Variants in ILF2 observed in about 807,000 individuals in gnomAD.
ILF2 encodes interleukin enhancer binding factor 2.
ILF2 carries 9 observed loss-of-function variants against 55.3 expected under a neutral mutation model. That is an observed-to-expected ratio of 0.16 (90% CI 0.10 to 0.28). The LOEUF is 0.28. Ranked by LOEUF, ILF2 falls within the 10% of genes least tolerant of loss-of-function variation. ILF2 has a pLI of 1.00. For synonymous variants in ILF2, 151 were observed against 161.8 expected, an observed-to-expected ratio of 0.93 and a Z score of 0.50; for missense variants, 266 against 474.9, an observed-to-expected ratio of 0.56 and a Z score of 4.09.
intron 8 of ILF2, 98 bp downstream of exon 8, chr1:153,665,122 G>T: frequency 1.3e-6 from 1 of 749,024 alleles, no homozygotes; most frequent in Non-Finnish European, 2.4e-6. Flanking sequence ...CCAGGAAGCT[G>T]CATGTGGAAT....
rs879468986 is a variant in ILF2, at chr1:153,667,178, G to A, written c.394+377C>T. 11 of 306,012 alleles carry A rather than the reference G, an allele frequency of 3.6e-5. 1 individual carries two copies. Among genetic ancestry groups the A allele is most frequent in the African/African-American group, 1.7e-4 (8 of 46,412 alleles). 19.0% of individuals were successfully genotyped at this position (306,012 alleles called of 1,614,324 possible). On this transcript the variant is annotated intron_variant, in intron 6 of 13. Coordinates refer to ENST00000361891, the MANE Select transcript of ILF2 (RefSeq NM_004515.4). ...ACATCCTTTCTCACAAGAAATTTGA[G>A]CTTTCAAGATCCGTAAGGGCTGGGC...
At chr1:153,665,179 T>C (rs766606462) in intron 8 of ILF2, 41 bp downstream of exon 8, 48 of 1,116,142 alleles carry the variant, frequency 4.3e-5, no homozygotes, top group Middle Eastern at 1.9e-4. Context: ...ATGTTTTGAA[T>C]ATCCCCTAAA....
At chr1:153,667,049 G>A (rs1285757951) in intron 6 of ILF2, among the ~76,000 whole-genome samples, 1 of 152,232 alleles carries the variant, frequency 6.6e-6, no homozygotes, top group African/African-American at 2.4e-5. Context: ...TAGAACCCAG[G>A]AGGTGGAGGT....
intron 12 of ILF2, 45 bp downstream of exon 12, chr1:153,662,974 C>CA (rs745571013): frequency 6.5e-7 from 1 of 1,527,048 alleles, no homozygotes; most frequent in South Asian, 1.1e-5. Flanking sequence ...CAGCAGTATT[C>CA]AAAAGAGTGG....
At chr1:153,665,771 C>T (rs368917778) in intron 6 of ILF2, 43 bp from the exon 7 acceptor site, 3 of 1,471,852 alleles carry the variant, frequency 2.0e-6, no homozygotes, top group Non-Finnish European at 1.9e-6. Flanking sequence ...AATTTATTTG[C>T]CTAGACTTTC....
rs748358151 is a variant in ILF2, at chr1:153,667,583, C to T, written c.366G>A (p.Leu122=). 1.2e-6 allele frequency: 2 copies of T among 1,613,408 alleles called. No homozygotes were observed. Among genetic ancestry groups the T allele is most frequent in the Non-Finnish European group, 8.5e-7 (1 of 1,179,308 alleles). The change falls in exon 6 of 14, where the codon CTG becomes CTA. Residue 122 remains leucine, a synonymous_variant. Coordinates refer to ENST00000361891, the MANE Select transcript of ILF2 (RefSeq NM_004515.4). ...TTGGCAGAATCTTGAGTATCACCAC[C>T]AGGTCAGCCACATTGTGTCCTGTAG... ...TMTTGHNVAD[L]VVILKILPTL...
At chr1:153,663,386 T>A in intron 10 of ILF2, 110 bp from the exon 11 acceptor site, 1 of 1,004,400 alleles carries the variant, frequency 1.0e-6, no homozygotes. Flanking sequence ...TGGAGTGCAG[T>A]GGCGCAATCA....
Position 153,664,049 on chromosome 1 carries a change from G to A in ILF2, c.738C>T (p.Asp246=), listed in dbSNP as rs1441034096. 1 of 1,608,228 alleles carries A rather than the reference G, an allele frequency of 6.2e-7. No homozygotes were observed. Among genetic ancestry groups the A allele is most frequent in the Admixed American group, 1.7e-5 (1 of 59,758 alleles). ...GFEPLTPWIL[D]LLGHYAVMNN... ...ATTGCCCATCTTTACTTACTAGTAG[G>A]TCAAGGATCCAGGGTGTGAGGGGCT... is the stretch of plus-strand genomic sequence containing the variant. Residue 246 remains aspartate, a synonymous_variant, in exon 10 of 14, where the codon GAC becomes GAT. Transcript: ENST00000361891.
chr1:153,670,028 C>T (rs564973386), intron 2 of ILF2, 143 bp downstream of exon 2: 7 of 1,083,310 alleles, frequency 6.5e-6, no homozygotes, highest in South Asian at 5.2e-5. Context: ...ATAGTGGGGC[C>T]AAATTCATTT....
intron 6 of ILF2, among the ~76,000 whole-genome samples, chr1:153,666,913 G>T (rs1226968628): frequency 6.6e-6 from 1 of 152,102 alleles, no homozygotes; most frequent in Non-Finnish European, 1.5e-5. Context: ...CCTGAGGTCA[G>T]GAGTTTGAGA....
chr1:153,670,948 G>T lies in ILF2; in HGVS notation c.-26C>A, dbSNP rs763439359. 1.2e-6 allele frequency: 2 copies of T among 1,614,118 alleles called. No homozygotes were observed. Among genetic ancestry groups the T allele is most frequent in the South Asian group, 1.1e-5 (1 of 91,082 alleles). On this transcript the variant is annotated 5_prime_UTR_variant, in exon 1 of 14. Coordinates refer to ENST00000361891, the MANE Select transcript of ILF2 (RefSeq NM_004515.4). ...GGCGCCTTAAAACACGAACAATGGA[G>T]GCCGCACCAACCGCCCCTTCCTCTG...
At position 153,662,702 on chromosome 1, in the gene ILF2, C is replaced by T. The variant is rs1669201748; in HGVS notation, c.1012+3G>A. 4 of 1,613,620 alleles carry T rather than the reference C, an allele frequency of 2.5e-6. No individual in the cohort carries two copies. The highest frequency in any genetic ancestry group is 3.4e-6 in the Non-Finnish European group (4 of 1,179,648). Reference sequence around the variant, plus strand: ...AAACCCCTGACCCACAGTGGTCACTCACAGCTGGCATCACCCTCCTGGCCA... The same window carrying T: ...AAACCCCTGACCCACAGTGGTCACTTACAGCTGGCATCACCCTCCTGGCCA... On this transcript the variant is annotated splice_donor_region_variant and intron_variant, in intron 13 of 13. Transcript: ENST00000361891.
rs745396780 is a variant in ILF2, at chr1:153,662,798, G to A, written c.922-3C>T. 3.1e-6 allele frequency: 5 copies of A among 1,613,048 alleles called. No homozygotes were observed. The South Asian group carries it at 4.4e-5, about 14-fold the overall frequency. ...TGAGCTGTATAGCAGACCATGTCCTGAAGGAAAGCAAAGTGAGAGTAAGCA... is the reference window on the plus strand; with the variant it reads ...TGAGCTGTATAGCAGACCATGTCCTAAAGGAAAGCAAAGTGAGAGTAAGCA... On this transcript the variant is annotated splice_polypyrimidine_tract_variant and splice_region_variant and intron_variant, in intron 12 of 13. Coordinates refer to ENST00000361891, the MANE Select transcript of ILF2 (RefSeq NM_004515.4).
Position 153,663,032 on chromosome 1 carries a change from G to A in ILF2, c.908C>T (p.Thr303Ile), listed in dbSNP as rs777083363. Reference sequence around the variant, plus strand: ...CTGTCCCAATACCTGCTGTTCTAGGGTCATGACTGTGTGTACTCTAAAGTT... The same window carrying A: ...CTGTCCCAATACCTGCTGTTCTAGGATCATGACTGTGTGTACTCTAAAGTT... ...SGNFRVHTVMTLEQQDMVCYT... is the reference protein window; with the variant it reads ...SGNFRVHTVMILEQQDMVCYT... Residue 303 changes from threonine (T) to isoleucine (I), a missense_variant, in exon 12 of 14, where the codon ACC (threonine) becomes ATC (isoleucine). Thr to Ile is a moderately conservative substitution (Grantham distance 89, BLOSUM62 -1). Transcript: ENST00000361891. 1 of 1,613,230 alleles carries A rather than the reference G, an allele frequency of 6.2e-7. No individual in the cohort carries two copies. Among genetic ancestry groups the A allele is most frequent in the Non-Finnish European group, 8.5e-7 (1 of 1,179,210 alleles).
rs1669240796 is a variant in ILF2 at position 153,663,956 on chromosome 1, T to TTACTACCAC, written c.744+86_744+87insGTGGTAGTA. The stretch of plus-strand genomic sequence containing the variant: ...TTTCAGACTCTGGTGAATTTCAGAG[T>TTACTACCAC]TACTACTACTACTACTACTACTACT... On this transcript the variant is annotated intron_variant, in intron 10 of 13. Transcript: ENST00000361891. 7.1e-6 allele frequency: 3 copies of TTACTACCAC among 423,056 alleles called. No homozygotes were observed. In the African/African-American group the frequency reaches 7.1e-5, roughly 10 times the overall value. The allele number at this position is 423,056 out of a possible 1,614,324, so 26.2% of individuals were successfully genotyped here. A position where few individuals can be genotyped will look rare whatever the true frequency, so the allele number is the denominator to read the frequency against.
intron 6 of ILF2, 33 bp downstream of exon 6, chr1:153,667,522 T>G: frequency 1.4e-6 from 2 of 1,409,598 alleles, no homozygotes; most frequent in Non-Finnish European, 2.0e-6. Flanking sequence ...AGTGCTATGT[T>G]CTGTTCCCAT....
intron 6 of ILF2, 121 bp from the exon 7 acceptor site, chr1:153,665,849 A>G (rs908842287): frequency 1.4e-6 from 1 of 733,838 alleles, no homozygotes. Flanking sequence ...AAGGGTAAGT[A>G]ATAGAATATA....
intron 8 of ILF2, 48 bp from the exon 9 acceptor site, chr1:153,664,522 A>G (rs1240472760): frequency 7.0e-7 from 1 of 1,421,826 alleles, no homozygotes; most frequent in African/African-American, 1.4e-5. Flanking sequence ...TTCATTAAAC[A>G]AGCTACTCAT....
At chr1:153,664,368 T>C (rs1295831176) in intron 9 of ILF2, 28 bp downstream of exon 9, 3 of 1,583,864 alleles carry the variant, frequency 1.9e-6, no homozygotes, top group Non-Finnish European at 2.6e-6. Flanking sequence ...AAGTTTATCT[T>C]AATCCAAATG....
Sources: gnomAD v4.1 joint callset for allele counts (sites outside exome capture counted in the v4.1 genomes callset) on GRCh38, gnomAD v4.1.1 for gene constraint, MANE v1.5 for transcripts, NCBI Gene and HGNC (gene_info 2026-07-23, HGNC 2026-07-21) for gene names.